Variants in OR2L13 observed in about 807,000 individuals in gnomAD.
OR2L13 encodes the protein olfactory receptor 2L13.
Under a neutral mutation model 15.3 loss-of-function variants are expected in OR2L13, and 14 were observed. That is an observed-to-expected ratio of 0.91 (90% CI 0.60 to 1.43). OR2L13 has a LOEUF of 1.43. Among genes scored for constraint, OR2L13 ranks in the 40% most tolerant of loss-of-function variants. The probability of loss-of-function intolerance (pLI) is 0.00; values close to 1 mark genes in which losing one functional copy is unlikely to be tolerated. For synonymous variants in OR2L13, 152 were observed against 142.9 expected, an observed-to-expected ratio of 1.06 and a Z score of -0.45; for missense variants, 367 against 387.9, an observed-to-expected ratio of 0.95 and a Z score of 0.45.
the OR2L13 span, among the ~76,000 whole-genome samples, chr1:247,974,529 T>C: frequency 3.9e-4 from 60 of 152,332 alleles, 1 homozygote; most frequent in Non-Finnish European, 1.6e-4. Context: ...ATTTTTATTT[T>C]TGTTAATCTC....
At chr1:248,050,894 ATAAAT>A in the OR2L13 span, among the ~76,000 whole-genome samples, 1 of 152,166 alleles carries the variant, frequency 6.6e-6, no homozygotes, top group Non-Finnish European at 1.5e-5. Context: ...ATTACTGAAA[ATAAAT>A]TGCTCTGCCA....
At chr1:248,003,217 C>T in the OR2L13 span, 5 of 1,523,128 alleles carry the variant, frequency 3.3e-6, no homozygotes, top group Non-Finnish European at 4.6e-6. Flanking sequence ...TCTTCATCCT[C>T]ATTGTTTTCA....
the OR2L13 span, among the ~76,000 whole-genome samples, chr1:247,981,728 G>A: frequency 1.3e-5 from 2 of 152,252 alleles, no homozygotes; most frequent in South Asian, 4.1e-4. Context: ...CTGATAATGA[G>A]AAAGATGCTT....
the OR2L13 span, chr1:248,003,625 T>A: frequency 6.2e-7 from 1 of 1,611,704 alleles, no homozygotes; most frequent in Non-Finnish European, 8.5e-7. Flanking sequence ...TACTCCATAT[T>A]CCTTATTGCC....
chr1:248,052,819 T>C, the OR2L13 span, among the ~76,000 whole-genome samples: 1 of 152,158 alleles, frequency 6.6e-6, no homozygotes, highest in East Asian at 1.9e-4. Context: ...GAGGATTCTT[T>C]AAGATTCATA....
At chr1:247,982,218 C>T in the OR2L13 span, among the ~76,000 whole-genome samples, 3 of 152,274 alleles carry the variant, frequency 2.0e-5, no homozygotes, top group East Asian at 5.8e-4. Flanking sequence ...TTTCATAAAT[C>T]TCTGAATTAG....
rs576105793 is a variant in OR2L13 at position 248,100,964 on chromosome 1, A to C, written c.*650A>C. On this transcript the variant is annotated 3_prime_UTR_variant, in exon 3 of 3. Coordinates refer to ENST00000641714, the Ensembl canonical transcript of OR2L13. ...TTATCTGTTGGCTCATTTTTAGCATATGCACATTTATTGTAATTAACATTT... is the reference window on the plus strand; with the variant it reads ...TTATCTGTTGGCTCATTTTTAGCATCTGCACATTTATTGTAATTAACATTT... The C allele has an allele frequency of 2.6e-5, 4 of 155,170 alleles. No individual in the cohort carries two copies. The South Asian group carries it at 8.3e-4, about 32-fold the overall frequency. The allele number at this position is 155,170 out of a possible 1,614,324, so 9.6% of individuals were successfully genotyped here. A position where few individuals can be genotyped will look rare whatever the true frequency, so the allele number is the denominator to read the frequency against.
the OR2L13 span, among the ~76,000 whole-genome samples, chr1:248,020,427 C>T: frequency 3.3e-5 from 5 of 152,164 alleles, no homozygotes; most frequent in Admixed American, 1.3e-4. Context: ...TATTCACCAA[C>T]AGCAGCCAAG....
the OR2L13 span, among the ~76,000 whole-genome samples, chr1:248,047,777 G>A: frequency 6.6e-6 from 1 of 152,188 alleles, no homozygotes; most frequent in Admixed American, 6.5e-5. Flanking sequence ...GATAAGAAGT[G>A]TGTGAGTGTA....
At chr1:248,019,107 A>C in the OR2L13 span, among the ~76,000 whole-genome samples, 1 of 152,268 alleles carries the variant, frequency 6.6e-6, no homozygotes, top group South Asian at 2.1e-4. Context: ...TGGCCATATA[A>C]GTATCTTTCT....
chr1:248,068,097 C>T, the OR2L13 span, among the ~76,000 whole-genome samples: 1 of 152,190 alleles, frequency 6.6e-6, no homozygotes, highest in East Asian at 1.9e-4. Flanking sequence ...ACAGCAGTAA[C>T]CTCTGAAGAC....
chr1:248,003,528 T>G, the OR2L13 span: 1 of 1,612,486 alleles, frequency 6.2e-7, no homozygotes, highest in East Asian at 2.2e-5. Flanking sequence ...CACTATCTCA[T>G]CCGCATGAGC....
chr1:248,065,898 A>T, the OR2L13 span, among the ~76,000 whole-genome samples: 1 of 152,146 alleles, frequency 6.6e-6, no homozygotes, highest in South Asian at 2.1e-4. Flanking sequence ...TCTTTTCAGC[A>T]TGCAGCAAGT....
At chr1:248,034,962 AG>A in the OR2L13 span, among the ~76,000 whole-genome samples, 1 of 151,910 alleles carries the variant, frequency 6.6e-6, no homozygotes, top group Non-Finnish European at 1.5e-5. Context: ...TGGAGTCCTA[AG>A]GTTTTCTACA....
the OR2L13 span, among the ~76,000 whole-genome samples, chr1:248,088,317 G>T: frequency 1.3e-5 from 2 of 151,864 alleles, no homozygotes; most frequent in Admixed American, 6.6e-5. Flanking sequence ...CCCAATGCTT[G>T]GATAGCCTAT....
At chr1:248,078,190 A>T in the OR2L13 span, among the ~76,000 whole-genome samples, 5 of 152,202 alleles carry the variant, frequency 3.3e-5, no homozygotes, top group Admixed American at 1.3e-4. Flanking sequence ...GGAATAAAAA[A>T]TGGTACAGCT....
At chr1:248,027,880 C>G in the OR2L13 span, among the ~76,000 whole-genome samples, 6 of 152,178 alleles carry the variant, frequency 3.9e-5, no homozygotes, top group African/African-American at 1.4e-4. Context: ...CATGTCCACA[C>G]CTGTGATCCC....
the OR2L13 span, among the ~76,000 whole-genome samples, chr1:247,953,265 C>T: frequency 1.3e-5 from 2 of 152,074 alleles, no homozygotes; most frequent in Non-Finnish European, 2.9e-5. Flanking sequence ...AGCCATTGTT[C>T]TTTGTATGCA....
the OR2L13 span, among the ~76,000 whole-genome samples, chr1:247,985,784 T>G: frequency 6.6e-6 from 1 of 151,902 alleles, no homozygotes; most frequent in Non-Finnish European, 1.5e-5. Flanking sequence ...GTTTCCTGAC[T>G]TTTTAATGAT....
Sources: gnomAD v4.1 joint callset for allele counts (sites outside exome capture counted in the v4.1 genomes callset) on GRCh38, gnomAD v4.1.1 for gene constraint, MANE v1.5 for transcripts, NCBI Gene and HGNC (gene_info 2026-07-23, HGNC 2026-07-21) for gene names.